Variants in TRPM2 observed in about 807,000 individuals in gnomAD.
The protein encoded by TRPM2 is transient receptor potential cation channel subfamily M member 2, also known as estrogen-responsive element-associated gene 1 protein.
In TRPM2, 161 loss-of-function variants were observed where a neutral mutation model predicts 174.0. That is an observed-to-expected ratio of 0.93 (90% CI 0.81 to 1.05). The LOEUF (loss-of-function observed/expected upper bound fraction) is 1.05, where lower values mean the gene tolerates loss of function less well. Among genes scored for constraint, TRPM2 ranks in the 50% least tolerant of loss-of-function variants. The pLI, the probability that TRPM2 is intolerant of heterozygous loss-of-function variation, is 0.00. For missense variants in TRPM2, 2,057 were observed against 2,038.0 expected (o/e 1.01, Z -0.18); for synonymous variants, 954 against 861.3 (o/e 1.11, Z -1.88).
intron 17 of TRPM2, among the ~76,000 whole-genome samples, chr21:44,405,697 C>T (rs1288237735): frequency 6.6e-6 from 1 of 152,150 alleles, no homozygotes; most frequent in Non-Finnish European, 1.5e-5. Flanking sequence ...TGCCAGGCTG[C>T]CCTGTGGGGC....
rs1200089405 is a variant in TRPM2 at position 44,405,192 on chromosome 21, C to T, written c.2589C>T (p.Tyr863=). ...ECGLMKKAAL[Y]FSDFWNKLDV... is the part of the protein sequence containing the mutation. ...GGCTGATGAAGAAGGCAGCCTTGTA[C>T]TTCAGTGACTTCTGGAATAAGCTGG... Residue 863 remains tyrosine, a synonymous_variant, in exon 17 of 32, where the codon TAC becomes TAT. Transcript: ENST00000397928. 16 of 1,613,402 alleles carry T rather than the reference C, an allele frequency of 9.9e-6. No individual in the cohort carries two copies. Among genetic ancestry groups the T allele is most frequent in the Non-Finnish European group, 1.4e-5 (16 of 1,179,984 alleles).
rs576369479 is a variant in TRPM2 at position 44,353,799 on chromosome 21, C to A, written c.99C>A (p.Leu33=). ...RVTDLGMVSN[L]RRSNSSLFKS... Reference sequence around the variant, plus strand: ...CTGACCTGGGGATGGTCTCCAATCTCCGGCGCAGCAACAGCAGCCTCTTCA... The same window carrying A: ...CTGACCTGGGGATGGTCTCCAATCTACGGCGCAGCAACAGCAGCCTCTTCA... The change falls in exon 1 of 32, where the codon CTC becomes CTA. Residue 33 remains leucine, a synonymous_variant. Coordinates refer to ENST00000397928, the MANE Select transcript of TRPM2 (RefSeq NM_003307.4). The A allele has an allele frequency of 2.9e-5, 47 of 1,602,418 alleles. No individual in the cohort carries two copies. Among genetic ancestry groups the A allele is most frequent in the Non-Finnish European group, 3.9e-5 (46 of 1,175,222 alleles).
At position 44,397,758 on chromosome 21, in the gene TRPM2, C is replaced by T; in HGVS notation, c.1944C>T (p.Cys648=). Reference sequence around the variant, plus strand: ...CCTCTGGTCCCCAGAGCCAGGACTGCATCGCAGCGGCCTTGGCCTGCAGCA... The same window carrying T: ...CCTCTGGTCCCCAGAGCCAGGACTGTATCGCAGCGGCCTTGGCCTGCAGCA... ...AGIIWAQSQD[C]IAAALACSKI... The change falls in exon 13 of 32, where the codon TGC becomes TGT. Residue 648 remains cysteine, a synonymous_variant. Transcript: ENST00000397928. 2 of 1,588,904 alleles carry T rather than the reference C, an allele frequency of 1.3e-6. No individual in the cohort carries two copies. The highest frequency in any genetic ancestry group is 1.7e-6 in the Non-Finnish European group (2 of 1,166,874).
Position 44,364,241 on chromosome 21 carries a change from G to T in TRPM2, c.382G>T (p.Gly128Cys). Reference sequence around the variant, plus strand: ...CCAGGAGATGCCAACCGATGCCTTTGGCGACATCGTCTTCACGGGCCTGAG... The same window carrying T: ...CCAGGAGATGCCAACCGATGCCTTTTGCGACATCGTCTTCACGGGCCTGAG... ...HVQEMPTDAF[G>C]DIVFTGLSQK... The change falls in exon 3 of 32, where the codon GGC becomes TGC. Residue 128 changes from glycine to cysteine, a missense_variant. By Grantham distance (159) the Gly-to-Cys change is radical. Coordinates refer to ENST00000397928, the MANE Select transcript of TRPM2 (RefSeq NM_003307.4). 3 of 1,614,228 alleles carry T rather than the reference G, an allele frequency of 1.9e-6. No individual in the cohort carries two copies. Among genetic ancestry groups the T allele is most frequent in the Middle Eastern group, 3.3e-4 (2 of 6,060 alleles).
At chr21:44,392,972 A>T (rs539284808) in intron 11 of TRPM2, among the ~76,000 whole-genome samples, 64 of 152,154 alleles carry the variant, frequency 4.2e-4, no homozygotes, top group African/African-American at 1.5e-3. Flanking sequence ...CCTTTATTTA[A>T]TGGTGAGACT....
Position 44,391,555 on chromosome 21 carries a change from C to A in TRPM2, c.1724C>A (p.Pro575Gln), listed in dbSNP as rs201044998. 1.3e-6 allele frequency: 2 copies of A among 1,597,526 alleles called. No individual in the cohort carries two copies. The highest frequency in any genetic ancestry group is 1.7e-6 in the Non-Finnish European group (2 of 1,176,886). The change falls in exon 11 of 32, where the codon CCG becomes CAG. Residue 575 changes from proline to glutamine, a missense_variant. Pro to Gln is a moderately conservative substitution (Grantham distance 76). Coordinates refer to ENST00000397928, the MANE Select transcript of TRPM2 (RefSeq NM_003307.4). The surrounding 1 kb of genome is among the most constrained non-coding windows in gnomAD (Gnocchi z 5.0). ...GAGCTGCTGGGGGACTTCACGCAGCCGCTTTATCCCCGGCCCCGGCACAAC... is the reference window on the plus strand; with the variant it reads ...GAGCTGCTGGGGGACTTCACGCAGCAGCTTTATCCCCGGCCCCGGCACAAC... ...LRELLGDFTQ[P>Q]LYPRPRHNDR...
Position 44,354,258 on chromosome 21 carries a change from G to A in TRPM2, c.166-390G>A, listed in dbSNP as rs754313518. On this transcript the variant is annotated intron_variant, in intron 1 of 31. Coordinates refer to ENST00000397928, the MANE Select transcript of TRPM2 (RefSeq NM_003307.4). The surrounding 1 kb of genome is among the most constrained non-coding windows in gnomAD (Gnocchi z 4.3). The stretch of plus-strand genomic sequence containing the variant: ...GACACAAGTATGTTGAAAGCACATG[G>A]CATCTTGCAGTCCCCTTGCCAGGCA... Among the ~76,000 whole-genome samples, 3 of 152,158 alleles carry A rather than the reference G, an allele frequency of 2.0e-5. No homozygotes were observed. Among genetic ancestry groups the A allele is most frequent in the African/African-American group, 4.8e-5 (2 of 41,436 alleles).
At chr21:44,387,861 G>A (rs376894795) in intron 9 of TRPM2, among the ~76,000 whole-genome samples, 1 of 152,190 alleles carries the variant, frequency 6.6e-6, no homozygotes, top group Admixed American at 6.5e-5. Context: ...AAACACATTA[G>A]GATAGCTACT....
intron 9 of TRPM2, among the ~76,000 whole-genome samples, chr21:44,384,369 A>G (rs1294661184): frequency 6.6e-6 from 1 of 152,188 alleles, no homozygotes; most frequent in African/African-American, 2.4e-5. Context: ...GCATCTGGCA[A>G]AATTGAGGGG....
rs952276011 is a variant in TRPM2 at position 44,442,198 on chromosome 21, C to T, written c.*381C>T. 2.8e-5 allele frequency: 5 copies of T among 180,822 alleles called. No homozygotes were observed. The highest frequency in any genetic ancestry group is 4.6e-5 in the Non-Finnish European group (4 of 87,624). 11.2% of individuals were successfully genotyped at this position (180,822 alleles called of 1,614,324 possible). A position where few individuals can be genotyped will look rare whatever the true frequency, so the allele number is the denominator to read the frequency against. On this transcript the variant is annotated 3_prime_UTR_variant, in exon 32 of 32. Transcript: ENST00000397928. ...GGTCATTGGCCTGAGGCAAGTTCCCCGGAGAGTCGGGGTCCCCTGTGGCCC... is the reference window on the plus strand; with the variant it reads ...GGTCATTGGCCTGAGGCAAGTTCCCTGGAGAGTCGGGGTCCCCTGTGGCCC...
At chr21:44,373,503 G>C (rs1375191438) in intron 5 of TRPM2, among the ~76,000 whole-genome samples, 2 of 152,174 alleles carry the variant, frequency 1.3e-5, no homozygotes, top group Non-Finnish European at 2.9e-5. Flanking sequence ...CTTCTCTTTA[G>C]AGTCTGCTTT....
At position 44,432,176 on chromosome 21, in the gene TRPM2, A is replaced by T. The variant is rs538353552; in HGVS notation, c.3975-2955A>T. On this transcript the variant is annotated intron_variant, in intron 27 of 31. Coordinates refer to ENST00000397928, the MANE Select transcript of TRPM2 (RefSeq NM_003307.4). The surrounding 1 kb of genome is among the most constrained non-coding windows in gnomAD (Gnocchi z 4.9). ...TAAGTACCACAAACTGGGGGGCTTAACAGAAATGGATTATCTCACAGTTCT... is the reference window on the plus strand; with the variant it reads ...TAAGTACCACAAACTGGGGGGCTTATCAGAAATGGATTATCTCACAGTTCT... Among the ~76,000 whole-genome samples the T allele has an allele frequency of 3.7e-3, 558 of 152,324 alleles. 4 individuals carry two copies. Among genetic ancestry groups the T allele is most frequent in the African/African-American group, 0.013 (526 of 41,570 alleles).
rs149066607 is a variant in TRPM2, at chr21:44,405,222, C to A, written c.2619C>A (p.Val873=). The A allele has an allele frequency of 6.2e-7, 1 of 1,613,376 alleles. No homozygotes were observed. The change falls in exon 17 of 32, where the codon GTC becomes GTA. Residue 873 remains valine (V), a synonymous_variant. Coordinates refer to ENST00000397928, the MANE Select transcript of TRPM2 (RefSeq NM_003307.4). ...GTGACTTCTGGAATAAGCTGGACGT[C>A]GGCGCAATCTTGCTCTTCGTGGCAG... ...YFSDFWNKLD[V]GAILLFVAGL...
intron 16 of TRPM2, among the ~76,000 whole-genome samples, chr21:44,403,637 ACACACATG>A (rs796207620): frequency 5.0e-4 from 76 of 151,608 alleles, no homozygotes; most frequent in Middle Eastern, 6.9e-3. Flanking sequence ...GCATATGTAT[ACACACATG>A]CACACATGCA....
chr21:44,440,755 T>G, intron 30 of TRPM2, 34 bp from the exon 31 acceptor site: 1 of 1,596,544 alleles, frequency 6.3e-7, no homozygotes, highest in African/African-American at 1.3e-5. Context: ...CAGGTGTCCC[T>G]CGCTGTCGGG....
intron 8 of TRPM2, among the ~76,000 whole-genome samples, 160 bp downstream of exon 8, chr21:44,379,357 C>A (rs2048807764): frequency 6.6e-6 from 1 of 152,196 alleles, no homozygotes; most frequent in East Asian, 1.9e-4. Context: ...AGGTGGTAAA[C>A]CTCCTGGCTG....
chr21:44,403,533 C>A (rs1334656571), intron 16 of TRPM2, among the ~76,000 whole-genome samples: 1 of 150,512 alleles, frequency 6.6e-6, no homozygotes. Context: ...CACAAATGCA[C>A]ACACACATAG....
intron 23 of TRPM2, among the ~76,000 whole-genome samples, chr21:44,424,339 C>A (rs1274547573): frequency 1.3e-5 from 2 of 152,216 alleles, no homozygotes; most frequent in African/African-American, 2.4e-5. Flanking sequence ...CCCAGGCCGC[C>A]CTCTACCCCT....
In TRPM2 at chr21:44,391,283, G is replaced by T; in HGVS notation, c.1452G>T (p.Leu484=). Residue 484 remains leucine (L), a synonymous_variant, in exon 11 of 32, where the codon CTG becomes CTT. Transcript: ENST00000397928. This position sits in a 1 kb window ranked among gnomAD's most constrained non-coding sequence, Gnocchi z 5.0. ...ATGCTTGCTCTCAGCCTTCAGATCTGCACCCCACGATGACAGCTGCACTCA... is the reference window on the plus strand; with the variant it reads ...ATGCTTGCTCTCAGCCTTCAGATCTTCACCCCACGATGACAGCTGCACTCA... ...MDEWQWKPSD[L]HPTMTAALIS... The T allele has an allele frequency of 6.2e-7, 1 of 1,613,462 alleles. No homozygotes were observed. Among genetic ancestry groups the T allele is most frequent in the Non-Finnish European group, 8.5e-7 (1 of 1,179,664 alleles).
Sources: gnomAD v4.1 joint callset for allele counts (sites outside exome capture counted in the v4.1 genomes callset) on GRCh38, gnomAD v4.1.1 for gene constraint, Gnocchi (gnomAD v3.1) non-coding constraint, MANE v1.5 for transcripts, NCBI Gene and HGNC (gene_info 2026-07-23, HGNC 2026-07-21) for gene names.